The following DIAPH2 variants were observed in gnomAD, a reference collection of about 807,000 sequenced individuals.
DIAPH2 encodes the protein protein diaphanous homolog 2.
In DIAPH2, 35 loss-of-function variants were observed where a neutral mutation model predicts 92.7. The observed-to-expected ratio is 0.38, with a 90% CI of 0.29 to 0.50. The LOEUF is 0.50. DIAPH2 is among the 20% of genes least tolerant of loss of function. The pLI, the probability that DIAPH2 is intolerant of heterozygous loss-of-function variation, is 0.94. For synonymous variants in DIAPH2, 301 were observed against 280.4 expected (o/e 1.07, Z -0.73); for missense variants, 701 against 819.5 (o/e 0.86, Z 1.77).
intron 15 of DIAPH2, among the ~76,000 whole-genome samples, chrX:96,957,236 G>T (rs1054515992): frequency 2.4e-4 from 27 of 112,219 alleles, no homozygotes; most frequent in Non-Finnish European, 2.8e-4. Flanking sequence ...GGCCAGGCTG[G>T]TCTTGAACTC....
intron 3 of DIAPH2, among the ~76,000 whole-genome samples, chrX:96,749,145 A>AAAAAATATATAT (rs1252042191): frequency 6.3e-5 from 5 of 79,806 alleles, no homozygotes; most frequent in African/African-American, 2.0e-4. Flanking sequence ...AAAAAAAAAA[A>AAAAAATATATAT]ATATATATAT....
intron 21 of DIAPH2, among the ~76,000 whole-genome samples, chrX:97,136,933 C>T (rs1318106656): frequency 3.6e-5 from 4 of 109,976 alleles, no homozygotes; most frequent in African/African-American, 9.9e-5. Flanking sequence ...AATTATTCTC[C>T]TATGTCGTTT....
Position 96,795,020 on chromosome X carries a change from C to A in DIAPH2, c.447+36762C>A, listed in dbSNP as rs185182765. Among the ~76,000 whole-genome samples, 109 of 112,054 alleles carry A rather than the reference C, an allele frequency of 9.7e-4. 3 individuals are homozygous for A. Among genetic ancestry groups the A allele is most frequent in the Middle Eastern group, 4.6e-3 (1 of 218 alleles). On this transcript the variant is annotated intron_variant, in intron 4 of 26. Transcript: ENST00000324765. ...TTTGTCATTGGATTTAGAGCCCATT[C>A]AGATAATCTAGGATTGATCTCATTT...
chrX:97,592,200 C>G (rs1449727678), intron 26 of DIAPH2, among the ~76,000 whole-genome samples: 1 of 111,591 alleles, frequency 9.0e-6, no homozygotes, highest in African/African-American at 3.2e-5. Flanking sequence ...TGTGATTTTA[C>G]TTTTATCAGG....
intron 16 of DIAPH2, among the ~76,000 whole-genome samples, chrX:96,960,796 T>C (rs778720464): frequency 8.9e-6 from 1 of 112,169 alleles, no homozygotes; most frequent in South Asian, 3.7e-4. Flanking sequence ...TGTTGAGAGT[T>C]TTTATTGTGA....
At chrX:97,506,189 G>A (rs758780665) in intron 26 of DIAPH2, among the ~76,000 whole-genome samples, 12 of 73,503 alleles carry the variant, frequency 1.6e-4, no homozygotes, top group Admixed American at 7.2e-4. Context: ...TCATTCTGTC[G>A]CCCAGGCTGG....
chrX:97,583,102 C>A (rs1485165696), intron 26 of DIAPH2, among the ~76,000 whole-genome samples: 2 of 111,312 alleles, frequency 1.8e-5, no homozygotes, highest in African/African-American at 6.5e-5. Flanking sequence ...TTTTCAACTT[C>A]TTTGCCTTTG....
At chrX:96,993,191 G>A (rs927897851) in intron 17 of DIAPH2, among the ~76,000 whole-genome samples, 3 of 112,058 alleles carry the variant, frequency 2.7e-5, no homozygotes, top group Non-Finnish European at 3.8e-5. Context: ...GATTATTGGT[G>A]AAGAAGGCCA....
chrX:97,209,174 A>T (rs2067820391), intron 22 of DIAPH2, among the ~76,000 whole-genome samples: 1 of 110,697 alleles, frequency 9.0e-6, no homozygotes, highest in East Asian at 2.8e-4. Context: ...TTCCTTTTAG[A>T]TGTACCAAGA....
At chrX:97,198,469 T>C (rs1157296471) in intron 22 of DIAPH2, among the ~76,000 whole-genome samples, 5 of 111,390 alleles carry the variant, frequency 4.5e-5, no homozygotes, top group African/African-American at 1.6e-4. Flanking sequence ...CTAGGACTTA[T>C]TTAATTTGAA....
chrX:97,074,152 A>G (rs1466546029), intron 18 of DIAPH2, among the ~76,000 whole-genome samples: 1 of 112,337 alleles, frequency 8.9e-6, no homozygotes, highest in Non-Finnish European at 1.9e-5. Flanking sequence ...CACGCCTATA[A>G]TCTCAGCACT....
chrX:97,595,048 C>T (rs779873142), intron 26 of DIAPH2, among the ~76,000 whole-genome samples: 1 of 112,009 alleles, frequency 8.9e-6, no homozygotes, highest in East Asian at 2.8e-4. Context: ...TTGCACACTC[C>T]CAGGTTACAT....
intron 26 of DIAPH2, among the ~76,000 whole-genome samples, chrX:97,467,878 G>A (rs1290615991): frequency 9.0e-6 from 1 of 111,346 alleles, no homozygotes; most frequent in Non-Finnish European, 1.9e-5. Flanking sequence ...GTTCCTGCTG[G>A]GATTGGCCTG....
chrX:97,128,351 T>G (rs1436168233), intron 21 of DIAPH2, among the ~76,000 whole-genome samples: 1 of 110,816 alleles, frequency 9.0e-6, no homozygotes, highest in Non-Finnish European at 1.9e-5. Flanking sequence ...CATTTTGGTT[T>G]TGGTGGGTTT....
intron 22 of DIAPH2, among the ~76,000 whole-genome samples, chrX:97,212,583 G>GT (rs1491121001): frequency 5.3e-4 from 42 of 79,921 alleles, no homozygotes; most frequent in East Asian, 2.4e-3. Flanking sequence ...GAATCTTAGG[G>GT]TTTTTTGTTT....
intron 24 of DIAPH2, among the ~76,000 whole-genome samples, chrX:97,378,549 AAAAG>A (rs1238336541): frequency 9.0e-6 from 1 of 111,626 alleles, no homozygotes; most frequent in Non-Finnish European, 1.9e-5. Flanking sequence ...AAAAAGAAAG[AAAAG>A]AAAGAAACTT....
At chrX:97,467,806 A>T (rs1452971672) in intron 26 of DIAPH2, among the ~76,000 whole-genome samples, 1 of 112,083 alleles carries the variant, frequency 8.9e-6, no homozygotes, top group Non-Finnish European at 1.9e-5. Context: ...CTAAACCTGG[A>T]ACAATGTGAT....
intron 23 of DIAPH2, among the ~76,000 whole-genome samples, chrX:97,287,212 A>G (rs2068550250): frequency 9.0e-6 from 1 of 111,069 alleles, no homozygotes; most frequent in Non-Finnish European, 1.9e-5. Flanking sequence ...ATTCTCTGGC[A>G]TAAAAATCAC....
At chrX:97,437,891 TG>T (rs1400268229) in intron 26 of DIAPH2, among the ~76,000 whole-genome samples, 2 of 108,982 alleles carry the variant, frequency 1.8e-5, no homozygotes, top group Non-Finnish European at 3.8e-5. Context: ...ACATCTCAAA[TG>T]AGAGGGTTGA....
Sources: allele counts gnomAD v4.1 joint callset (sites outside exome capture counted in the v4.1 genomes callset), GRCh38; gene constraint gnomAD v4.1.1; transcripts MANE v1.5; gene names NCBI Gene and HGNC (gene_info 2026-07-23, HGNC 2026-07-21).